The following FTO variants were observed in gnomAD, a reference collection of about 807,000 sequenced individuals.
FTO encodes alpha-ketoglutarate-dependent dioxygenase FTO.
FTO carries 47 observed loss-of-function variants against 63.9 expected under a neutral mutation model. The observed-to-expected ratio is 0.74, with a 90% CI of 0.58 to 0.94. FTO has a LOEUF of 0.94. FTO is among the 40% of genes least tolerant of loss of function. FTO has a pLI of 0.00. For synonymous variants in FTO, 207 were observed against 224.4 expected, an observed-to-expected ratio of 0.92 and a Z score of 0.69; for missense variants, 562 against 618.1, an observed-to-expected ratio of 0.91 and a Z score of 0.96.
chr16:53,802,606 T>C (rs1179152572), intron 1 of FTO, among the ~76,000 whole-genome samples: 3 of 152,074 alleles, frequency 2.0e-5, no homozygotes, highest in Non-Finnish European at 2.9e-5. Context: ...TTCATCAAAT[T>C]TGGAAAATAT....
intron 1 of FTO, among the ~76,000 whole-genome samples, chr16:53,797,296 G>T (rs1178192025): frequency 6.6e-6 from 1 of 152,130 alleles, no homozygotes; most frequent in Non-Finnish European, 1.5e-5. Flanking sequence ...ACTTTTGGTG[G>T]TATATATTGT....
chr16:53,737,786 C>G (rs757935147), intron 1 of FTO, among the ~76,000 whole-genome samples: 1 of 152,088 alleles, frequency 6.6e-6, no homozygotes, highest in Non-Finnish European at 1.5e-5. Flanking sequence ...CTCCTCCCCC[C>G]AGCCTACCCA....
chr16:54,093,662 G>A (rs1355149223), intron 8 of FTO, among the ~76,000 whole-genome samples: 1 of 152,200 alleles, frequency 6.6e-6, no homozygotes, highest in Non-Finnish European at 1.5e-5. Context: ...ATGACATTCT[G>A]CACAAGCAGA....
intron 1 of FTO, among the ~76,000 whole-genome samples, chr16:53,709,457 C>T (rs2151460880): frequency 6.6e-6 from 1 of 152,202 alleles, no homozygotes; most frequent in East Asian, 1.9e-4. Context: ...TCAGTTTCTC[C>T]AGTCATTAAT....
At position 53,996,468 on chromosome 16, in the gene FTO, A is replaced by T. The variant is rs548302031; in HGVS notation, c.1364+62359A>T. Among the ~76,000 whole-genome samples the T allele has an allele frequency of 7.9e-5, 12 of 152,326 alleles. No individual in the cohort carries two copies. In the South Asian group the frequency reaches 2.5e-3, roughly 32 times the overall value. On this transcript the variant is annotated intron_variant, in intron 8 of 8. Coordinates refer to ENST00000471389, the MANE Select transcript of FTO (RefSeq NM_001080432.3). ...AAGAAACATTATATTTTAATCTTGG[A>T]TATTCCTAGCACTATGCAGGATTCT...
Position 53,823,782 on chromosome 16 carries a change from C to T in FTO, c.124-2082C>T, listed in dbSNP as rs189320917. Among the ~76,000 whole-genome samples, 172 of 152,012 alleles carry T rather than the reference C, an allele frequency of 1.1e-3. 1 individual carries two copies. Among genetic ancestry groups the T allele is most frequent in the African/African-American group, 2.8e-3 (118 of 41,452 alleles). ...ATGCCTGTAATCTCAGCTACTCGGG[C>T]GGCTGAGGCAGGAGAATCACTTGAA... is the stretch of plus-strand genomic sequence containing the variant. On this transcript the variant is annotated intron_variant, in intron 2 of 8. Coordinates refer to ENST00000471389, the MANE Select transcript of FTO (RefSeq NM_001080432.3).
intron 8 of FTO, among the ~76,000 whole-genome samples, chr16:54,061,223 A>T (rs891669878): frequency 2.0e-5 from 3 of 152,226 alleles, no homozygotes; most frequent in Non-Finnish European, 4.4e-5. Context: ...ACAGAATGTC[A>T]TAGTGAAATG....
At chr16:53,811,072 C>A (rs1385231130) in intron 2 of FTO, among the ~76,000 whole-genome samples, 1 of 152,180 alleles carries the variant, frequency 6.6e-6, no homozygotes, top group Admixed American at 6.5e-5. Flanking sequence ...TCAGGAGAGT[C>A]AAATGCTCCT....
intron 8 of FTO, among the ~76,000 whole-genome samples, chr16:53,990,078 G>A (rs545806738): frequency 6.6e-6 from 1 of 152,202 alleles, no homozygotes; most frequent in East Asian, 1.9e-4. Context: ...CCGGTCAACA[G>A]CAAGCTATTA....
chr16:54,016,098 C>T (rs772841974), intron 8 of FTO, among the ~76,000 whole-genome samples: 4 of 152,110 alleles, frequency 2.6e-5, no homozygotes, highest in Non-Finnish European at 5.9e-5. Flanking sequence ...CAGTTATTAT[C>T]CCCATTTTAC....
In FTO at chr16:53,705,000, T is replaced by C. The variant is rs991518595; in HGVS notation, c.45+771T>C. ...CAGATCCTGTTGATTTGTCTACGTA[T>C]ATTGGGAATATGCCCACTTTTTTTT... is the stretch of plus-strand genomic sequence containing the variant. On this transcript the variant is annotated intron_variant, in intron 1 of 8. Coordinates refer to ENST00000471389, the MANE Select transcript of FTO (RefSeq NM_001080432.3). 5.2e-4 allele frequency among the ~76,000 whole-genome samples: 72 copies of C among 137,788 alleles called. 2 individuals carry two copies. The highest frequency in any genetic ancestry group is 4.6e-5 in the Non-Finnish European group (3 of 65,642). The allele number at this position is 137,788 out of a possible 152,430, so 90.4% of individuals were successfully genotyped here.
intron 1 of FTO, among the ~76,000 whole-genome samples, chr16:53,712,315 A>AG (rs986467466): frequency 6.6e-6 from 1 of 152,274 alleles, no homozygotes; most frequent in African/African-American, 2.4e-5. Flanking sequence ...GCCAAAGACC[A>AG]GGGGACTTGA....
At chr16:53,902,223 T>G (rs570979853) in intron 7 of FTO, among the ~76,000 whole-genome samples, 1 of 152,318 alleles carries the variant, frequency 6.6e-6, no homozygotes, top group Non-Finnish European at 1.5e-5. Context: ...CTAATGGTAC[T>G]CAAACTGCTA....
intron 7 of FTO, among the ~76,000 whole-genome samples, chr16:53,919,982 AAAT>A (rs966916747): frequency 1.3e-5 from 2 of 152,202 alleles, no homozygotes; most frequent in African/African-American, 4.8e-5. Context: ...AAACCTACTG[AAAT>A]AATAATAATT....
chr16:53,852,353 G>A (rs1383552155), intron 4 of FTO, among the ~76,000 whole-genome samples: 1 of 152,050 alleles, frequency 6.6e-6, no homozygotes, highest in Admixed American at 6.6e-5. Context: ...GCCAAATTTG[G>A]CTAGTTAACC....
At chr16:53,831,498 T>C (rs529544645) in intron 3 of FTO, among the ~76,000 whole-genome samples, 3 of 152,324 alleles carry the variant, frequency 2.0e-5, no homozygotes, top group East Asian at 3.9e-4. Context: ...TTACATTTTT[T>C]TCATGCCTAT....
At chr16:54,062,166 C>G (rs1203664812) in intron 8 of FTO, among the ~76,000 whole-genome samples, 1 of 152,180 alleles carries the variant, frequency 6.6e-6, no homozygotes, top group Non-Finnish European at 1.5e-5. Context: ...ATTTTTGAAG[C>G]AGTCAACTCG....
intron 8 of FTO, among the ~76,000 whole-genome samples, chr16:54,053,736 G>A (rs1259546758): frequency 6.6e-6 from 1 of 152,092 alleles, no homozygotes; most frequent in Non-Finnish European, 1.5e-5. Flanking sequence ...GTTCACTGTG[G>A]GTTTCCTTAC....
Position 53,764,551 on chromosome 16 carries a change from C to A in FTO, c.46-45589C>A, listed in dbSNP as rs191887816. On this transcript the variant is annotated intron_variant, in intron 1 of 8. Transcript: ENST00000471389. Reference sequence around the variant, plus strand: ...CAAATGTGATATTGGTGTTGGGACACATCATCTGAACTTCCACTGTCATTA... The same window carrying A: ...CAAATGTGATATTGGTGTTGGGACAAATCATCTGAACTTCCACTGTCATTA... Among the ~76,000 whole-genome samples the A allele has an allele frequency of 4.0e-5, 6 of 151,400 alleles. No individual in the cohort carries two copies. In the East Asian group the frequency reaches 1.2e-3, roughly 30 times the overall value.
Sources: gnomAD v4.1 joint callset for allele counts (sites outside exome capture counted in the v4.1 genomes callset) on GRCh38, gnomAD v4.1.1 for gene constraint, MANE v1.5 for transcripts, NCBI Gene and HGNC (gene_info 2026-07-23, HGNC 2026-07-21) for gene names.